SDHC: variants seen among roughly 807,000 people sequenced by gnomAD.
SDHC encodes the protein succinate dehydrogenase complex subunit C, also known as succinate dehydrogenase cytochrome b560 subunit, mitochondrial.
Under a neutral mutation model 22.6 loss-of-function variants are expected in SDHC, and 11 were observed. The ratio of observed to expected loss-of-function variants is 0.49; its 90% CI spans 0.31 to 0.81. The LOEUF (loss-of-function observed/expected upper bound fraction) is 0.81, where lower values mean the gene tolerates loss of function less well. Ranked by LOEUF, SDHC falls within the 30% of genes least tolerant of loss-of-function variation. SDHC has a pLI of 0.05. For synonymous variants in SDHC, 80 were observed against 77.8 expected (o/e 1.03, Z -0.15); for missense variants, 160 against 212.0 (o/e 0.75, Z 1.52).
intron 3 of SDHC, among the ~76,000 whole-genome samples, chr1:161,331,021 C>A (rs1021350391): frequency 4.2e-4 from 63 of 149,114 alleles, no homozygotes; most frequent in Non-Finnish European, 2.4e-4. Context: ...AAAAAGAGAA[C>A]CTTGTGGGTC....
chr1:161,319,023 G>A (rs1670736382), intron 1 of SDHC, among the ~76,000 whole-genome samples: 1 of 152,036 alleles, frequency 6.6e-6, no homozygotes, highest in South Asian at 2.1e-4. Context: ...CAGCCTGGGT[G>A]ACAAGAGCAA....
chr1:161,342,175 G>A (rs1671743354), intron 4 of SDHC, among the ~76,000 whole-genome samples: 1 of 152,166 alleles, frequency 6.6e-6, no homozygotes, highest in African/African-American at 2.4e-5. Context: ...GCCAGAAGAG[G>A]TTATTGTACA....
At chr1:161,328,303 G>C in intron 2 of SDHC, 93 bp from the exon 3 acceptor site, 1 of 1,023,252 alleles carries the variant, frequency 9.8e-7, no homozygotes, top group South Asian at 1.3e-5. Flanking sequence ...TGCCTGGCTT[G>C]GTATTGCAAA....
chr1:161,326,530 T>G (rs1482855172), intron 2 of SDHC: 1 of 140,882 alleles, frequency 7.1e-6, no homozygotes, highest in Non-Finnish European at 1.5e-5. Flanking sequence ...GTTTCTTTTT[T>G]TCTTCTCTCT....
At chr1:161,331,677 C>A (rs1345079166) in intron 3 of SDHC, among the ~76,000 whole-genome samples, 1 of 151,094 alleles carries the variant, frequency 6.6e-6, no homozygotes, top group South Asian at 2.1e-4. Flanking sequence ...CTCACTGTAA[C>A]CCCCGCCTCC....
chr1:161,316,065 G>C (rs1670599012), intron 1 of SDHC, among the ~76,000 whole-genome samples: 1 of 152,144 alleles, frequency 6.6e-6, no homozygotes, highest in Non-Finnish European at 1.5e-5. Flanking sequence ...CCCATCTCCA[G>C]CCCTAAGGCG....
intron 4 of SDHC, among the ~76,000 whole-genome samples, chr1:161,345,613 C>T (rs919587601): frequency 4.6e-5 from 7 of 151,440 alleles, no homozygotes; most frequent in South Asian, 2.1e-4. Context: ...CCTGCCACCA[C>T]GCCTGGCTAA....
intron 3 of SDHC, among the ~76,000 whole-genome samples, chr1:161,331,940 A>G (rs1335170596): frequency 6.6e-6 from 1 of 151,938 alleles, no homozygotes; most frequent in African/African-American, 2.4e-5. Flanking sequence ...AAGGCTGAGA[A>G]TTTCCCAAAT....
intron 1 of SDHC, among the ~76,000 whole-genome samples, chr1:161,315,602 A>G (rs1670579697): frequency 6.6e-6 from 1 of 152,174 alleles, no homozygotes; most frequent in Admixed American, 6.5e-5. Flanking sequence ...TTGGTTCCAA[A>G]CAGTTCATTT....
intron 4 of SDHC, among the ~76,000 whole-genome samples, chr1:161,356,077 G>T (rs974771954): frequency 1.3e-5 from 2 of 151,632 alleles, no homozygotes; most frequent in African/African-American, 4.8e-5. Context: ...GTTAGATGAT[G>T]AACTAGATGA....
intron 5 of SDHC, among the ~76,000 whole-genome samples, chr1:161,361,704 G>A (rs1412342002): frequency 1.3e-5 from 2 of 152,056 alleles, no homozygotes; most frequent in Admixed American, 6.6e-5. Context: ...TTAGCCAGGC[G>A]TGGTGGCGTG....
At chr1:161,343,355 CAT>C (rs1014901392) in intron 4 of SDHC, among the ~76,000 whole-genome samples, 1 of 152,132 alleles carries the variant, frequency 6.6e-6, no homozygotes, top group Non-Finnish European at 1.5e-5. Flanking sequence ...TTTGCAATCT[CAT>C]ATATGTGTGT....
At chr1:161,320,858 C>A (rs537324416) in intron 1 of SDHC, among the ~76,000 whole-genome samples, 26 of 128,570 alleles carry the variant, frequency 2.0e-4, no homozygotes, top group Non-Finnish European at 3.6e-4. Flanking sequence ...GATGGAGTCC[C>A]GCTCTGTCAC....
In SDHC at chr1:161,323,464, TCAA is replaced by T; in HGVS notation, c.21-148_21-146del. ...TCAAGTTACTTGGAGTTGTAGCTTT[TCAA>T]CTAGAAAATGGTATCAAGGACACTG... On this transcript the variant is annotated intron_variant, in intron 1 of 5. Coordinates refer to ENST00000367975, the MANE Select transcript of SDHC (RefSeq NM_003001.5). 3 of 652,156 alleles carry T rather than the reference TCAA, an allele frequency of 4.6e-6. No homozygotes were observed. In the Admixed American group the frequency reaches 7.8e-5, roughly 17 times the overall value. The allele number at this position is 652,156 out of a possible 1,614,324, so 40.4% of individuals were successfully genotyped here. A position where few individuals can be genotyped will look rare whatever the true frequency, so the allele number is the denominator to read the frequency against.
chr1:161,316,164 T>A (rs1168203788), intron 1 of SDHC, among the ~76,000 whole-genome samples: 1 of 151,984 alleles, frequency 6.6e-6, no homozygotes, highest in African/African-American at 2.4e-5. Context: ...GACAGATGCC[T>A]TCCTCTTGTC....
At chr1:161,344,453 CAAAAAAAAGAA>C (rs1397723566) in intron 4 of SDHC, among the ~76,000 whole-genome samples, 69 of 145,238 alleles carry the variant, frequency 4.8e-4, no homozygotes, top group African/African-American at 1.8e-3. Context: ...GACCCTATCT[CAAAAAAAAGAA>C]AAAAAAAAGA....
chr1:161,330,966 G>A (rs1029740208), intron 3 of SDHC, among the ~76,000 whole-genome samples: 1 of 144,320 alleles, frequency 6.9e-6, no homozygotes, highest in African/African-American at 2.6e-5. Context: ...AGATTGTGGC[G>A]CCACTGCACT....
chr1:161,336,954 C>T (rs1190428517), intron 3 of SDHC, among the ~76,000 whole-genome samples: 1 of 151,914 alleles, frequency 6.6e-6, no homozygotes, highest in African/African-American at 2.4e-5. Context: ...GCTGCAACCT[C>T]GACCTCCCGG....
chr1:161,333,818 T>C (rs1190581423), intron 3 of SDHC, among the ~76,000 whole-genome samples: 1 of 152,222 alleles, frequency 6.6e-6, no homozygotes, highest in African/African-American at 2.4e-5. Context: ...CAGCACAACA[T>C]CCATATTTCT....
Sources: gnomAD v4.1 joint callset for allele counts (sites outside exome capture counted in the v4.1 genomes callset) on GRCh38, gnomAD v4.1.1 for gene constraint, MANE v1.5 for transcripts, NCBI Gene and HGNC (gene_info 2026-07-23, HGNC 2026-07-21) for gene names.